Variants in NARS2 observed in about 807,000 individuals in gnomAD.
The protein encoded by NARS2 is asparaginyl-tRNA synthetase.
Under a neutral mutation model 62.9 loss-of-function variants are expected in NARS2, and 60 were observed. That is an observed-to-expected ratio of 0.95 (90% CI 0.77 to 1.18). The LOEUF (loss-of-function observed/expected upper bound fraction) is 1.18, where lower values mean the gene tolerates loss of function less well. Ranked by LOEUF, NARS2 falls within the 50% of genes most tolerant of loss-of-function variation. The pLI, the probability that NARS2 is intolerant of heterozygous loss-of-function variation, is 0.00. For synonymous variants in NARS2, 196 were observed against 200.0 expected (o/e 0.98, Z 0.17); for missense variants, 619 against 576.4 (o/e 1.07, Z -0.76).
chr11:78,485,246 A>G (rs1454056951), intron 7 of NARS2, among the ~76,000 whole-genome samples: 1 of 152,040 alleles, frequency 6.6e-6, no homozygotes, highest in Admixed American at 6.6e-5. Context: ...GGGATGGGGG[A>G]CAAGGGGAGG....
chr11:78,488,417 G>A (rs745525469), intron 7 of NARS2, among the ~76,000 whole-genome samples: 3 of 152,078 alleles, frequency 2.0e-5, no homozygotes, highest in Non-Finnish European at 4.4e-5. Flanking sequence ...TAAGATCTGT[G>A]AGCCAAAGAA....
intron 9 of NARS2, among the ~76,000 whole-genome samples, chr11:78,477,517 C>T (rs1303497834): frequency 2.6e-5 from 4 of 152,138 alleles, no homozygotes; most frequent in Non-Finnish European, 5.9e-5. Context: ...AAAATATATT[C>T]GGAATAGGAG....
At chr11:78,505,540 G>A (rs1387311520) in intron 6 of NARS2, among the ~76,000 whole-genome samples, 2 of 151,706 alleles carry the variant, frequency 1.3e-5, no homozygotes, top group Non-Finnish European at 2.9e-5. Context: ...AAGCTCACAG[G>A]TTATAGCAGC....
chr11:78,493,294 G>T, intron 6 of NARS2, 99 bp from the exon 7 acceptor site: 1 of 1,135,346 alleles, frequency 8.8e-7, no homozygotes, highest in Non-Finnish European at 1.3e-6. Context: ...AGTTTTGTGT[G>T]CCTCTGTCTT....
At chr11:78,484,783 G>A (rs1422867140) in intron 7 of NARS2, among the ~76,000 whole-genome samples, 1 of 152,216 alleles carries the variant, frequency 6.6e-6, no homozygotes, top group East Asian at 1.9e-4. Flanking sequence ...TACACTGTTG[G>A]TGGGAGTGTC....
chr11:78,542,564 T>A (rs952663322), intron 5 of NARS2, among the ~76,000 whole-genome samples: 1 of 152,150 alleles, frequency 6.6e-6, no homozygotes, highest in African/African-American at 2.4e-5. Context: ...ATACCTATGC[T>A]CCAGAGTTAA....
At chr11:78,513,773 A>C (rs1044554976) in intron 6 of NARS2, among the ~76,000 whole-genome samples, 21 of 152,062 alleles carry the variant, frequency 1.4e-4, no homozygotes, top group African/African-American at 5.1e-4. Context: ...CTCATGATAT[A>C]GTTGGGCTAC....
intron 5 of NARS2, among the ~76,000 whole-genome samples, chr11:78,549,387 C>G (rs185774279): frequency 3.3e-5 from 5 of 152,214 alleles, no homozygotes; most frequent in Non-Finnish European, 7.3e-5. Flanking sequence ...GGCCATAAAA[C>G]AGAGCTCCAA....
At chr11:78,516,896 G>T (rs1226580568) in intron 6 of NARS2, among the ~76,000 whole-genome samples, 1 of 152,036 alleles carries the variant, frequency 6.6e-6, no homozygotes, top group Non-Finnish European at 1.5e-5. Flanking sequence ...ATAAACCAAC[G>T]ATTCCATGTT....
At chr11:78,537,894 G>C (rs1855428905) in intron 5 of NARS2, among the ~76,000 whole-genome samples, 1 of 152,230 alleles carries the variant, frequency 6.6e-6, no homozygotes, top group Non-Finnish European at 1.5e-5. Flanking sequence ...AGTAGGCATA[G>C]TAGTCTCCCC....
At chr11:78,491,975 T>C (rs1025015217) in intron 7 of NARS2, among the ~76,000 whole-genome samples, 1 of 151,994 alleles carries the variant, frequency 6.6e-6, no homozygotes, top group Non-Finnish European at 1.5e-5. Context: ...CATCCCATAA[T>C]TACAAATCCA....
In NARS2 at chr11:78,574,559, TCCTTTCTCAGCTGCTCC is replaced by T. The variant is rs1197020053; in HGVS notation, c.-88_-72del. The stretch of plus-strand genomic sequence containing the variant: ...GTTCGAACCCCGCCTGCAGCGGCCC[TCCTTTCTCAGCTGCTCC>T]CCTTCCGCGGCCGCAGCTCTGCTCT... On this transcript the variant is annotated 5_prime_UTR_variant, in exon 1 of 14. Transcript: ENST00000281038. 6.1e-6 allele frequency: 9 copies of T among 1,484,416 alleles called. No homozygotes were observed. In the African/African-American group the frequency reaches 1.3e-4, roughly 21 times the overall value. 92.0% of individuals were successfully genotyped at this position (1,484,416 alleles called of 1,614,324 possible). A position where few individuals can be genotyped will look rare whatever the true frequency, so the allele number is the denominator to read the frequency against.
At chr11:78,499,238 C>G (rs1282850665) in intron 6 of NARS2, among the ~76,000 whole-genome samples, 1 of 152,098 alleles carries the variant, frequency 6.6e-6, no homozygotes, top group Non-Finnish European at 1.5e-5. Flanking sequence ...TAATCTAGTG[C>G]CTAACACATA....
chr11:78,466,549 C>T (rs59493627), intron 10 of NARS2, among the ~76,000 whole-genome samples: 3,689 of 152,134 alleles, frequency 0.024, 156 homozygotes, highest in African/African-American at 0.085. Context: ...GGTGCAATCT[C>T]GGCTCACTGC....
At chr11:78,508,025 G>A (rs988192103) in intron 6 of NARS2, among the ~76,000 whole-genome samples, 1 of 152,016 alleles carries the variant, frequency 6.6e-6, no homozygotes, top group Non-Finnish European at 1.5e-5. Context: ...TGAACAAAAT[G>A]GCAATCTTAA....
At chr11:78,569,029 T>C (rs528554353) in intron 2 of NARS2, among the ~76,000 whole-genome samples, 1 of 152,272 alleles carries the variant, frequency 6.6e-6, no homozygotes, top group Non-Finnish European at 1.5e-5. Flanking sequence ...AAAAGTTAGT[T>C]GGCCAAAACA....
rs748194017 is a variant in NARS2, at chr11:78,543,937, A to G, written c.595-15001T>C. ...TCCCAGCTACTCGGGAGGCTGAGGCAGGAGAATCGCTTGAACCCGGGAGGT... is the reference window on the plus strand; with the variant it reads ...TCCCAGCTACTCGGGAGGCTGAGGCGGGAGAATCGCTTGAACCCGGGAGGT... On this transcript the variant is annotated intron_variant, in intron 5 of 13. Transcript: ENST00000281038. Among the ~76,000 whole-genome samples, 77 of 147,552 alleles carry G rather than the reference A, an allele frequency of 5.2e-4. 1 individual carries two copies. The highest frequency in any genetic ancestry group is 1.8e-4 in the Non-Finnish European group (12 of 67,078).
chr11:78,568,359 T>G (rs1036311709), intron 3 of NARS2, among the ~76,000 whole-genome samples: 3 of 152,208 alleles, frequency 2.0e-5, no homozygotes, highest in African/African-American at 7.2e-5. Context: ...CCCACCCTGG[T>G]ATATCATGGT....
intron 11 of NARS2, among the ~76,000 whole-genome samples, chr11:78,452,580 A>ACT (rs1555010810): frequency 6.6e-6 from 1 of 150,668 alleles, no homozygotes; most frequent in Non-Finnish European, 1.5e-5. Flanking sequence ...GGTTAATATT[A>ACT]TTTTTTTTTG....
Sources: allele counts gnomAD v4.1 joint callset (sites outside exome capture counted in the v4.1 genomes callset), GRCh38; gene constraint gnomAD v4.1.1; transcripts MANE v1.5; gene names NCBI Gene and HGNC (gene_info 2026-07-23, HGNC 2026-07-21).